The following DLGAP2 variants were observed in gnomAD, a reference collection of about 807,000 sequenced individuals.
DLGAP2 encodes disks large-associated protein 2.
DLGAP2 carries 26 observed loss-of-function variants against 100.3 expected under a neutral mutation model. The observed-to-expected ratio is 0.26, with a 90% CI of 0.19 to 0.36. DLGAP2 has a LOEUF of 0.36. Among genes scored for constraint, DLGAP2 ranks in the 10% least tolerant of loss-of-function variants. The pLI, the probability that DLGAP2 is intolerant of heterozygous loss-of-function variation, is 1.00. For missense variants in DLGAP2, 1,858 were observed against 1,453.2 expected (o/e 1.28, Z -4.53); for synonymous variants, 886 against 630.1 (o/e 1.41, Z -6.08).
At chr8:1,037,954 C>T (rs924823639) in intron 2 of DLGAP2, among the ~76,000 whole-genome samples, 4 of 152,226 alleles carry the variant, frequency 2.6e-5, no homozygotes, top group Non-Finnish European at 4.4e-5. Context: ...AGAACCTCTG[C>T]GCTAAGCTGA....
At chr8:1,651,191 C>T (rs1196859235) in intron 8 of DLGAP2, among the ~76,000 whole-genome samples, 1 of 152,220 alleles carries the variant, frequency 6.6e-6, no homozygotes, top group African/African-American at 2.4e-5. Context: ...CCACCTCTGC[C>T]TCACAGCAGA....
intron 2 of DLGAP2, among the ~76,000 whole-genome samples, chr8:976,557 A>G (rs1800169179): frequency 6.6e-6 from 1 of 152,170 alleles, no homozygotes; most frequent in South Asian, 2.1e-4. Context: ...GCTTGCAGTG[A>G]GGCGAGATTG....
chr8:1,677,470 C>T (rs1296622003), intron 11 of DLGAP2, among the ~76,000 whole-genome samples: 1 of 152,162 alleles, frequency 6.6e-6, no homozygotes, highest in South Asian at 2.1e-4. Context: ...TGGGTTCAGC[C>T]TGCAGAGCCA....
chr8:1,664,866 GCACA>G (rs1427434109), intron 8 of DLGAP2, among the ~76,000 whole-genome samples: 1 of 152,206 alleles, frequency 6.6e-6, no homozygotes, highest in African/African-American at 2.4e-5. Context: ...GCAGGCATGT[GCACA>G]CACACTTAGA....
chr8:1,205,602 C>T (rs562877475), intron 2 of DLGAP2, among the ~76,000 whole-genome samples: 10 of 152,284 alleles, frequency 6.6e-5, no homozygotes, highest in East Asian at 5.8e-4. Flanking sequence ...CAAGAGCTGC[C>T]GCTGGGACGT....
chr8:1,216,000 C>T (rs996594566), intron 2 of DLGAP2, among the ~76,000 whole-genome samples: 16 of 152,108 alleles, frequency 1.1e-4, no homozygotes, highest in Admixed American at 1.0e-3. Flanking sequence ...AGGCACATCA[C>T]CTGGAGACGT....
At chr8:1,063,405 C>T (rs986180424) in intron 2 of DLGAP2, among the ~76,000 whole-genome samples, 2 of 152,188 alleles carry the variant, frequency 1.3e-5, no homozygotes, top group African/African-American at 4.8e-5. Context: ...CCACAAAGGG[C>T]CTTAGCAGTG....
At position 1,629,828 on chromosome 8, in the gene DLGAP2, C is replaced by T. The variant is rs974476156; in HGVS notation, c.1590+2941C>T. On this transcript the variant is annotated intron_variant, in intron 7 of 14. Coordinates refer to ENST00000637795, the MANE Select transcript of DLGAP2 (RefSeq NM_001346810.2). Reference sequence around the variant, plus strand: ...TGGATCTCACACCTCTTTAAATGCTCTTATGAAACATTCAGAGGCTCTTTG... The same window carrying T: ...TGGATCTCACACCTCTTTAAATGCTTTTATGAAACATTCAGAGGCTCTTTG... Among the ~76,000 whole-genome samples, 15 of 152,166 alleles carry T rather than the reference C, an allele frequency of 9.9e-5. 1 individual carries two copies. The highest frequency in any genetic ancestry group is 2.1e-4 in the Non-Finnish European group (14 of 68,030).
chr8:1,684,483 C>G (rs1028879589), intron 12 of DLGAP2, among the ~76,000 whole-genome samples: 11 of 152,030 alleles, frequency 7.2e-5, no homozygotes, highest in Admixed American at 1.3e-4. Context: ...TCTTATGAGA[C>G]TAAAACTCTG....
intron 3 of DLGAP2, among the ~76,000 whole-genome samples, chr8:1,446,251 C>G (rs903157847): frequency 6.6e-6 from 1 of 152,136 alleles, no homozygotes; most frequent in South Asian, 2.1e-4. Context: ...TTTAATCGAT[C>G]TTGAATTAAT....
chr8:1,098,774 CG>C (rs1804483213), intron 2 of DLGAP2, among the ~76,000 whole-genome samples: 1 of 140,362 alleles, frequency 7.1e-6, no homozygotes, highest in East Asian at 2.0e-4. Flanking sequence ...CCGCCACCCA[CG>C]CCAGGCTCCC....
intron 2 of DLGAP2, among the ~76,000 whole-genome samples, chr8:1,047,226 G>C (rs1040102889): frequency 6.6e-6 from 1 of 152,168 alleles, no homozygotes; most frequent in Non-Finnish European, 1.5e-5. Flanking sequence ...TCATATGAAA[G>C]GAAACATACA....
At chr8:1,377,293 C>G (rs1023592558) in intron 3 of DLGAP2, among the ~76,000 whole-genome samples, 1 of 152,212 alleles carries the variant, frequency 6.6e-6, no homozygotes, top group African/African-American at 2.4e-5. Context: ...GCCTGTAATC[C>G]CAGCACTTTG....
chr8:1,517,300 C>T (rs910280949), intron 4 of DLGAP2, among the ~76,000 whole-genome samples: 2 of 152,116 alleles, frequency 1.3e-5, no homozygotes, highest in Non-Finnish European at 2.9e-5. Flanking sequence ...AGAGTTAGAC[C>T]TGGAGTGGCC....
At chr8:1,375,047 A>C (rs1231468451) in intron 3 of DLGAP2, among the ~76,000 whole-genome samples, 1 of 152,196 alleles carries the variant, frequency 6.6e-6, no homozygotes, top group Non-Finnish European at 1.5e-5. Context: ...GGTGCTGTTC[A>C]TCTCCAGGAA....
chr8:796,143 C>CGTCCAGTGAGAGCAGGT (rs1796032252), intron 1 of DLGAP2, among the ~76,000 whole-genome samples: 1 of 143,752 alleles, frequency 7.0e-6, no homozygotes, highest in South Asian at 2.1e-4. Context: ...TGAGAGCAGG[C>CGTCCAGTGAGAGCAGGT]GTCCAGTGAG....
intron 3 of DLGAP2, among the ~76,000 whole-genome samples, chr8:1,452,102 A>G (rs1001369750): frequency 2.6e-5 from 4 of 152,390 alleles, no homozygotes; most frequent in African/African-American, 9.6e-5. Context: ...GTTGTAGCGA[A>G]CACATGCATG....
intron 1 of DLGAP2, among the ~76,000 whole-genome samples, chr8:746,241 C>T (rs891812324): frequency 1.3e-5 from 2 of 152,216 alleles, no homozygotes; most frequent in Non-Finnish European, 2.9e-5. Flanking sequence ...TATTTATTTT[C>T]GATGTTTTCT....
rs117297634 is a variant in DLGAP2, at chr8:850,410, A to G, written c.19-57502A>G. Among the ~76,000 whole-genome samples the G allele has an allele frequency of 1.6e-4, 24 of 152,248 alleles. No homozygotes were observed. The East Asian group carries it at 3.7e-3, about 23-fold the overall frequency. ...GCAGAAATTTTATTTCCAATTTACA[A>G]TGTATTTTAAGAAAAAAAATCATCA... On this transcript the variant is annotated intron_variant, in intron 1 of 14. Transcript: ENST00000637795.
Sources: gnomAD v4.1 joint callset for allele counts (sites outside exome capture counted in the v4.1 genomes callset) on GRCh38, gnomAD v4.1.1 for gene constraint, MANE v1.5 for transcripts, NCBI Gene and HGNC (gene_info 2026-07-23, HGNC 2026-07-21) for gene names.